The following CEP290 variants were observed in gnomAD, a reference collection of about 807,000 sequenced individuals.
The protein encoded by CEP290 is centrosomal protein 290.
In CEP290, 317 loss-of-function variants were observed where a neutral mutation model predicts 344.9. The observed-to-expected ratio is 0.92, with a 90% CI of 0.84 to 1.01. The LOEUF is 1.01. Among genes scored for constraint, CEP290 ranks in the 50% least tolerant of loss-of-function variants. CEP290 has a pLI of 0.00. For missense variants in CEP290, 2,754 were observed against 2,761.4 expected (o/e 1.00, Z 0.06); for synonymous variants, 932 against 895.8 (o/e 1.04, Z -0.72).
intron 26 of CEP290, among the ~76,000 whole-genome samples, chr12:88,101,770 CT>C (rs2037910081): frequency 6.6e-6 from 1 of 151,920 alleles, no homozygotes; most frequent in Non-Finnish European, 1.5e-5. Flanking sequence ...TTGCCTAGGA[CT>C]TTCTAATGCT....
intron 29 of CEP290, among the ~76,000 whole-genome samples, chr12:88,091,975 C>T (rs188745402): frequency 5.9e-5 from 9 of 152,080 alleles, no homozygotes; most frequent in Admixed American, 6.5e-5. Context: ...TGCAGTGGCG[C>T]GATCTCGGCT....
At chr12:88,133,072 G>GTT (rs778943616) in intron 6 of CEP290, among the ~76,000 whole-genome samples, 67 of 128,990 alleles carry the variant, frequency 5.2e-4, no homozygotes, top group Middle Eastern at 4.2e-3. Flanking sequence ...TCTTGTTCCG[G>GTT]TTTTTTTTTT....
intron 18 of CEP290, chr12:88,115,779 A>T (rs2039002342): frequency 1.0e-6 from 1 of 980,956 alleles, no homozygotes; most frequent in Admixed American, 6.1e-5. Flanking sequence ...AGATCTAAGA[A>T]ATACTAGCTC....
At chr12:88,094,683 A>G (rs1158771975) in intron 27 of CEP290, among the ~76,000 whole-genome samples, 3 of 150,396 alleles carry the variant, frequency 2.0e-5, no homozygotes, top group Admixed American at 1.3e-4. Context: ...GGGGGGGGGA[A>G]GAAAACATAC....
chr12:88,079,993 T>G (rs1404423918), intron 38 of CEP290, among the ~76,000 whole-genome samples, 189 bp downstream of exon 38: 1 of 152,178 alleles, frequency 6.6e-6, no homozygotes, highest in Non-Finnish European at 1.5e-5. Flanking sequence ...AAAAGATAAA[T>G]TGGACTATAT....
At chr12:88,095,500 A>T (rs1428604285) in intron 27 of CEP290, among the ~76,000 whole-genome samples, 6 of 152,220 alleles carry the variant, frequency 3.9e-5, no homozygotes, top group African/African-American at 1.2e-4. Context: ...AAATAAAAAG[A>T]ACCTACTAAA....
rs367555566 is a variant in CEP290 at position 88,084,708 on chromosome 12, C to T, written c.4582G>A (p.Glu1528Lys). ...TTCAATGTGTGGTGAGATTTTGGTT[C>T]CATCTCTTTTCTGCCTAGCTCAGCT... ...LIAELGRKEMEPKSHHTLKIA... is the reference protein window; with the variant it reads ...LIAELGRKEMKPKSHHTLKIA... The change falls in exon 35 of 54, where the codon GAA becomes AAA. Residue 1528 changes from glutamate (E) to lysine (K), a missense_variant. By Grantham distance (56) the Glu-to-Lys change is moderately conservative (BLOSUM62 1). Coordinates refer to ENST00000552810, the MANE Select transcript of CEP290 (RefSeq NM_025114.4). The T allele has an allele frequency of 2.5e-6, 4 of 1,613,566 alleles. No homozygotes were observed. Among genetic ancestry groups the T allele is most frequent in the African/African-American group, 2.7e-5 (2 of 74,884 alleles).
In CEP290 at chr12:88,083,015, C is replaced by T; in HGVS notation, c.5012+16G>A. 1 of 1,385,596 alleles carries T rather than the reference C, an allele frequency of 7.2e-7. No individual in the cohort carries two copies. The highest frequency in any genetic ancestry group is 9.8e-7 in the Non-Finnish European group (1 of 1,016,456). 85.8% of individuals were successfully genotyped at this position (1,385,596 alleles called of 1,614,324 possible). On this transcript the variant is annotated intron_variant, in intron 37 of 53. Transcript: ENST00000552810. ...TTATCATTTGCCTATTTTTACAATA[C>T]ATTTCGAAGACTTACTGTAATTTGA...
intron 48 of CEP290, among the ~76,000 whole-genome samples, chr12:88,059,378 A>AT (rs1222676029): frequency 3.3e-5 from 5 of 152,132 alleles, no homozygotes; most frequent in African/African-American, 9.7e-5. Context: ...AGCTATAAGC[A>AT]TAAGGTATGT....
chr12:88,126,963 G>A (rs570630400), intron 11 of CEP290, among the ~76,000 whole-genome samples: 1 of 152,128 alleles, frequency 6.6e-6, no homozygotes, highest in African/African-American at 2.4e-5. Context: ...GGACAAGCCA[G>A]TTCTATAATT....
intron 5 of CEP290, 60 bp downstream of exon 5, chr12:88,139,085 G>A: frequency 1.1e-6 from 1 of 871,100 alleles, no homozygotes; most frequent in Middle Eastern, 2.2e-4. Flanking sequence ...TTTAAAATTT[G>A]AAAACAATTC....
chr12:88,053,190 C>A (rs567684095), intron 52 of CEP290, among the ~76,000 whole-genome samples: 4 of 151,938 alleles, frequency 2.6e-5, no homozygotes, highest in East Asian at 3.9e-4. Context: ...TATGTATATG[C>A]AGGAATGAGG....
chr12:88,105,381 A>G (rs2038201719), intron 25 of CEP290, among the ~76,000 whole-genome samples: 1 of 152,198 alleles, frequency 6.6e-6, no homozygotes, highest in Non-Finnish European at 1.5e-5. Flanking sequence ...CAAAAAAAGC[A>G]GGTAGTGCAG....
At position 88,049,265 on chromosome 12, in the gene CEP290, T is replaced by C. The variant is rs1286720062; in HGVS notation, c.7359A>G (p.Gly2453=). 4 of 1,609,920 alleles carry C rather than the reference T, an allele frequency of 2.5e-6. No homozygotes were observed. The highest frequency in any genetic ancestry group is 2.5e-6 in the Non-Finnish European group (3 of 1,178,552). ...EKVKKLSEQL[G]VELTSPVAAS... is the part of the protein sequence containing the mutation. ...CAGCAACAGGGCTAGTTAATTCAAC[T>C]CCCAATTGTTCTGAAAGTTTTTTTA... is the stretch of plus-strand genomic sequence containing the variant. The change falls in exon 54 of 54, where the codon GGA becomes GGG. Residue 2453 remains glycine (G), a synonymous_variant. Transcript: ENST00000552810.
At chr12:88,089,586 A>G in intron 30 of CEP290, 99 bp from the exon 31 acceptor site, 1 of 792,414 alleles carries the variant, frequency 1.3e-6, no homozygotes, top group Non-Finnish European at 1.9e-6. Context: ...CAAAGTTTTA[A>G]CACAGTGGCA....
At position 88,053,840 on chromosome 12, in the gene CEP290, C is replaced by T. The variant is rs2033774170; in HGVS notation, c.7035-94G>A. On this transcript the variant is annotated intron_variant, in intron 51 of 53. Transcript: ENST00000552810. ...TTATGAACTAGTGATGTACAGTAAT[C>T]AGAACAAGCTAGCCTTTATCGAAGT... is the stretch of plus-strand genomic sequence containing the variant. The T allele has an allele frequency of 1.1e-5, 7 of 633,038 alleles. No homozygotes were observed. In the Admixed American group the frequency reaches 1.8e-4, roughly 16 times the overall value. The allele number at this position is 633,038 out of a possible 1,614,324, so 39.2% of individuals were successfully genotyped here.
chr12:88,079,902 T>C (rs1032561187), intron 38 of CEP290, among the ~76,000 whole-genome samples: 3 of 152,044 alleles, frequency 2.0e-5, no homozygotes, highest in African/African-American at 7.2e-5. Context: ...CAATGTAATA[T>C]ATATTATATT....
At chr12:88,101,386 C>A (rs2037863085) in intron 26 of CEP290, among the ~76,000 whole-genome samples, 1 of 148,528 alleles carries the variant, frequency 6.7e-6, no homozygotes, top group African/African-American at 2.5e-5. Context: ...GAGGCTGAGG[C>A]AGGAGAACGG....
chr12:88,125,079 G>GT (rs1243044531), intron 13 of CEP290, among the ~76,000 whole-genome samples, 167 bp downstream of exon 13: 1 of 151,764 alleles, frequency 6.6e-6, no homozygotes, highest in Non-Finnish European at 1.5e-5. Flanking sequence ...ATTTACAAAT[G>GT]TAAGCACTAG....
Sources: allele counts gnomAD v4.1 joint callset (sites outside exome capture counted in the v4.1 genomes callset), GRCh38; gene constraint gnomAD v4.1.1; transcripts MANE v1.5; gene names NCBI Gene and HGNC (gene_info 2026-07-23, HGNC 2026-07-21).